The following NEMF variants were observed in gnomAD, a reference collection of about 807,000 sequenced individuals.
NEMF encodes ribosome quality control complex subunit NEMF.
In NEMF, 89 loss-of-function variants were observed where a neutral mutation model predicts 162.2. That is an observed-to-expected ratio of 0.55 (90% CI 0.46 to 0.65). NEMF has a LOEUF of 0.65. Among genes scored for constraint, NEMF ranks in the 30% least tolerant of loss-of-function variants. The pLI, the probability that NEMF is intolerant of heterozygous loss-of-function variation, is 0.00. For synonymous variants in NEMF, 421 were observed against 404.5 expected (o/e 1.04, Z -0.49); for missense variants, 1,133 against 1,261.9 (o/e 0.90, Z 1.55).
chr14:49,792,021 T>TG (rs564855706), intron 26 of NEMF, among the ~76,000 whole-genome samples: 81 of 151,884 alleles, frequency 5.3e-4, no homozygotes, highest in African/African-American at 1.9e-3. Context: ...CACACACCTG[T>TG]GGTCTCAGCT....
At chr14:49,803,986 G>A (rs928384501) in intron 19 of NEMF, among the ~76,000 whole-genome samples, 3 of 150,092 alleles carry the variant, frequency 2.0e-5, no homozygotes, top group Non-Finnish European at 4.4e-5. Context: ...CTAAGATACT[G>A]TTTTTGATAA....
chr14:49,801,006 G>T, intron 22 of NEMF: 1 of 288,118 alleles, frequency 3.5e-6, no homozygotes, highest in Non-Finnish European at 6.5e-6. Context: ...AAAATTAGTT[G>T]CATAACTTTT....
chr14:49,833,567 T>C, intron 7 of NEMF, 71 bp from the exon 8 acceptor site: 1 of 964,146 alleles, frequency 1.0e-6, no homozygotes. Flanking sequence ...TAAACAACTA[T>C]GTAGAAAAAC....
intron 16 of NEMF, among the ~76,000 whole-genome samples, chr14:49,824,101 C>T (rs890417357): frequency 1.3e-5 from 2 of 152,130 alleles, no homozygotes; most frequent in African/African-American, 2.4e-5. Context: ...ACCCAGGAAG[C>T]GGAGGTTGCA....
intron 4 of NEMF, among the ~76,000 whole-genome samples, chr14:49,841,196 C>CAAAAAA (rs34039009): frequency 1.8e-5 from 1 of 56,798 alleles, no homozygotes; most frequent in Non-Finnish European, 3.1e-5. Flanking sequence ...AACTCTGTCT[C>CAAAAAA]AAAAAAAAAA....
intron 28 of NEMF, among the ~76,000 whole-genome samples, chr14:49,788,808 T>C (rs1368646862): frequency 1.3e-5 from 2 of 152,090 alleles, no homozygotes; most frequent in Non-Finnish European, 2.9e-5. Context: ...CTGCCTGCCT[T>C]GGCCTCTCAA....
chr14:49,784,746 T>A lies in NEMF; in HGVS notation c.3154-33A>T, dbSNP rs1420305508. 14 of 1,543,046 alleles carry A rather than the reference T, an allele frequency of 9.1e-6. No individual in the cohort carries two copies. In the Middle Eastern group the frequency reaches 1.2e-3, roughly 131 times the overall value. The stretch of plus-strand genomic sequence containing the variant: ...AAGAAAATTGCTGAATATCTTCACA[T>A]CCTGTATGGTCAATCATGTTTCTTT... On this transcript the variant is annotated intron_variant, in intron 32 of 32. Transcript: ENST00000298310.
In NEMF at chr14:49,783,297, ATTT is replaced by A. The variant is rs35247807; in HGVS notation, c.*1336_*1338del. On this transcript the variant is annotated 3_prime_UTR_variant, in exon 33 of 33. Coordinates refer to ENST00000298310, the MANE Select transcript of NEMF (RefSeq NM_004713.6). ...AAGTCATTTTTTGAAAACATTATAG[ATTT>A]TTTTTTTTTTAATGGCAAGAGTAGT... 0.99 allele frequency: 154,670 copies of A among 156,808 alleles called. 76,282 individuals carry two copies. The highest frequency in any genetic ancestry group is 0.99 in the East Asian group (5,373 of 5,402). The allele number at this position is 156,808 out of a possible 1,614,324, so 9.7% of individuals were successfully genotyped here.
intron 7 of NEMF, among the ~76,000 whole-genome samples, chr14:49,833,841 A>G (rs574500726): frequency 6.8e-4 from 103 of 152,262 alleles, no homozygotes; most frequent in African/African-American, 2.3e-3. Flanking sequence ...ATAGCTTCAT[A>G]TTTTAATCTG....
intron 18 of NEMF, 63 bp from the exon 19 acceptor site, chr14:49,806,196 A>G: frequency 1.1e-6 from 1 of 928,798 alleles, no homozygotes. Flanking sequence ...GCAAGATATG[A>G]AAATCACATG....
chr14:49,828,234 T>G, intron 15 of NEMF, 57 bp downstream of exon 15: 3 of 1,096,730 alleles, frequency 2.7e-6, no homozygotes, highest in Non-Finnish European at 4.2e-6. Flanking sequence ...AATAATTATG[T>G]CCATTAAATT....
intron 26 of NEMF, among the ~76,000 whole-genome samples, chr14:49,794,329 A>G (rs1019380211): frequency 5.9e-5 from 9 of 152,208 alleles, no homozygotes; most frequent in Non-Finnish European, 1.0e-4. Context: ...TATGAGGGGA[A>G]TTTATATTTT....
rs186585172 is a variant in NEMF at position 49,814,097 on chromosome 14, C to A, written c.1682-47G>T. On this transcript the variant is annotated intron_variant, in intron 17 of 32. Coordinates refer to ENST00000298310, the MANE Select transcript of NEMF (RefSeq NM_004713.6). The stretch of plus-strand genomic sequence containing the variant: ...AATGACACTTTAAGTCCTAATTATT[C>A]TTTTTTCCTTTTTTTTTTTTCAGAT... The A allele has an allele frequency of 2.0e-4, 220 of 1,100,376 alleles. No homozygotes were observed. In the African/African-American group the frequency reaches 3.0e-3, roughly 15 times the overall value. The allele number at this position is 1,100,376 out of a possible 1,614,324, so 68.2% of individuals were successfully genotyped here.
chr14:49,810,906 G>C (rs147172285), intron 18 of NEMF, among the ~76,000 whole-genome samples: 1,526 of 152,194 alleles, frequency 0.01, 16 homozygotes, highest in Non-Finnish European at 0.013. Context: ...TGGGAGGATC[G>C]CTTCAGCCTG....
intron 18 of NEMF, among the ~76,000 whole-genome samples, chr14:49,806,709 T>A (rs563180379): frequency 2.0e-5 from 3 of 152,282 alleles, no homozygotes; most frequent in African/African-American, 7.2e-5. Context: ...AGAAGAAATA[T>A]CCTCTCACAT....
chr14:49,799,409 G>T, intron 25 of NEMF, 66 bp downstream of exon 25: 1 of 1,310,172 alleles, frequency 7.6e-7, no homozygotes, highest in Non-Finnish European at 1.1e-6. Context: ...ATCTGTGGTA[G>T]CTGAGCTATC....
intron 16 of NEMF, among the ~76,000 whole-genome samples, chr14:49,822,323 T>A (rs1421181691): frequency 6.9e-6 from 1 of 145,718 alleles, no homozygotes; most frequent in Admixed American, 6.9e-5. Context: ...AAAAGAATGA[T>A]GCACATTTTA....
intron 18 of NEMF, among the ~76,000 whole-genome samples, chr14:49,811,426 A>AT (rs61609685): frequency 4.0e-5 from 6 of 151,860 alleles, no homozygotes; most frequent in African/African-American, 1.5e-4. Context: ...CCTAATTTGG[A>AT]TTTTTTTTTC....
chr14:49,799,400 T>A (rs1218444521), intron 25 of NEMF, 75 bp downstream of exon 25: 1 of 1,222,486 alleles, frequency 8.2e-7, no homozygotes, highest in African/African-American at 1.5e-5. Context: ...AGCTAAGTAA[T>A]CTGTGGTAGC....
Sources: allele counts gnomAD v4.1 joint callset (sites outside exome capture counted in the v4.1 genomes callset), GRCh38; gene constraint gnomAD v4.1.1; transcripts MANE v1.5; gene names NCBI Gene and HGNC (gene_info 2026-07-23, HGNC 2026-07-21).